CSMD1: variants seen among roughly 807,000 people sequenced by gnomAD.
CSMD1 encodes CUB and sushi domain-containing protein 1.
In CSMD1, 213 loss-of-function variants were observed where a neutral mutation model predicts 417.5. The observed-to-expected ratio is 0.51, with a 90% CI of 0.46 to 0.57. CSMD1 has a LOEUF of 0.57. Among genes scored for constraint, CSMD1 ranks in the 20% least tolerant of loss-of-function variants. The pLI is 0.00. For synonymous variants in CSMD1, 2,862 were observed against 1,736.8 expected (o/e 1.65, Z -16.11); for missense variants, 6,923 against 4,529.7 (o/e 1.53, Z -15.17).
At chr8:4,025,877 C>T (rs2740924) in intron 4 of CSMD1, among the ~76,000 whole-genome samples, 96,128 of 151,896 alleles carry the variant, frequency 0.63, 30,710 homozygotes, top group South Asian at 0.72. Flanking sequence ...AAGAACATCA[C>T]GGCTACATAT....
At chr8:4,816,215 C>T (rs1336953672) in intron 1 of CSMD1, among the ~76,000 whole-genome samples, 1 of 151,846 alleles carries the variant, frequency 6.6e-6, no homozygotes, top group Non-Finnish European at 1.5e-5. Context: ...GACAGAGTCT[C>T]GCTCTGTTGC....
chr8:4,266,894 GAAGA>G (rs1391457902), intron 3 of CSMD1, among the ~76,000 whole-genome samples: 1 of 104,096 alleles, frequency 9.6e-6, no homozygotes, highest in African/African-American at 2.6e-5. Flanking sequence ...TAAGATGGAA[GAAGA>G]AACAAACTGA....
chr8:4,502,675 GTTTTC>G (rs975155202), intron 2 of CSMD1, among the ~76,000 whole-genome samples: 5 of 152,044 alleles, frequency 3.3e-5, no homozygotes, highest in African/African-American at 1.2e-4. Flanking sequence ...TTCTTGTTGA[GTTTTC>G]TTTTCTCTTT....
chr8:3,018,105 A>C (rs541928880), intron 52 of CSMD1, among the ~76,000 whole-genome samples: 6 of 152,300 alleles, frequency 3.9e-5, no homozygotes, highest in Admixed American at 2.6e-4. Context: ...TACTTATGTC[A>C]ATTTGGATGA....
intron 41 of CSMD1, among the ~76,000 whole-genome samples, chr8:3,126,116 A>T (rs1032099901): frequency 6.6e-6 from 1 of 152,202 alleles, no homozygotes; most frequent in Non-Finnish European, 1.5e-5. Flanking sequence ...GGTTGTGCCA[A>T]TACGGGGACT....
intron 4 of CSMD1, among the ~76,000 whole-genome samples, chr8:4,031,650 A>G (rs1797352667): frequency 6.6e-6 from 1 of 152,098 alleles, no homozygotes; most frequent in South Asian, 2.1e-4. Context: ...TATAACATGT[A>G]ATATTATATA....
At chr8:4,816,167 G>T (rs1162672516) in intron 1 of CSMD1, among the ~76,000 whole-genome samples, 1 of 151,472 alleles carries the variant, frequency 6.6e-6, no homozygotes, top group African/African-American at 2.4e-5. Flanking sequence ...GGCTCAGGTT[G>T]GTCACTAAAT....
At chr8:3,753,340 G>T (rs2129053643) in intron 6 of CSMD1, among the ~76,000 whole-genome samples, 1 of 152,284 alleles carries the variant, frequency 6.6e-6, no homozygotes, top group South Asian at 2.1e-4. Context: ...TACAGGAAAT[G>T]ATACAATATG....
intron 1 of CSMD1, among the ~76,000 whole-genome samples, chr8:4,718,026 G>A (rs1808798235): frequency 6.6e-6 from 1 of 152,100 alleles, no homozygotes; most frequent in South Asian, 2.1e-4. Flanking sequence ...ACCCCAGGCT[G>A]GAGGGCAGTG....
chr8:4,852,404 C>T (rs1031305348), intron 1 of CSMD1, among the ~76,000 whole-genome samples: 4 of 152,112 alleles, frequency 2.6e-5, no homozygotes, highest in African/African-American at 9.7e-5. Flanking sequence ...CTCGTTCTCA[C>T]TCTTGCTATG....
intron 9 of CSMD1, among the ~76,000 whole-genome samples, chr8:3,578,639 T>C (rs1346039702): frequency 6.6e-6 from 1 of 152,252 alleles, no homozygotes; most frequent in Non-Finnish European, 1.5e-5. Context: ...ATCACCTGCC[T>C]CTCTCTTCAC....
chr8:3,636,521 C>G (rs1348593892), intron 7 of CSMD1, among the ~76,000 whole-genome samples: 2 of 152,148 alleles, frequency 1.3e-5, no homozygotes, highest in South Asian at 2.1e-4. Context: ...CAGTCAAACC[C>G]CTTTTACTTA....
chr8:4,087,256 C>G (rs920094655), intron 3 of CSMD1, among the ~76,000 whole-genome samples: 1 of 152,204 alleles, frequency 6.6e-6, no homozygotes, highest in Non-Finnish European at 1.5e-5. Context: ...GCCATGGTTT[C>G]ACAGTTCAAC....
At chr8:4,203,555 T>C (rs138717063) in intron 3 of CSMD1, among the ~76,000 whole-genome samples, 1 of 152,126 alleles carries the variant, frequency 6.6e-6, no homozygotes, top group Non-Finnish European at 1.5e-5. Flanking sequence ...CAGCTGGGTG[T>C]GAATTTGGAA....
chr8:3,727,220 T>G (rs971644159), intron 6 of CSMD1, among the ~76,000 whole-genome samples: 4 of 152,224 alleles, frequency 2.6e-5, no homozygotes, highest in African/African-American at 9.6e-5. Flanking sequence ...TTTTCAAAGT[T>G]GCGTTTGACA....
At chr8:4,060,732 A>T (rs1798928015) in intron 3 of CSMD1, among the ~76,000 whole-genome samples, 1 of 152,198 alleles carries the variant, frequency 6.6e-6, no homozygotes, top group African/African-American at 2.4e-5. Flanking sequence ...AGATGTGCTC[A>T]AAGCATCACA....
chr8:3,014,227 G>A (rs1808651231), intron 52 of CSMD1, among the ~76,000 whole-genome samples: 1 of 151,168 alleles, frequency 6.6e-6, no homozygotes, highest in African/African-American at 2.5e-5. Context: ...TAGTACTTAT[G>A]AATATCCATC....
chr8:4,375,332 G>T (rs1162124404), intron 3 of CSMD1, among the ~76,000 whole-genome samples: 1 of 152,064 alleles, frequency 6.6e-6, no homozygotes, highest in Non-Finnish European at 1.5e-5. Flanking sequence ...TGGTCTGTCA[G>T]GAGGGTGATC....
chr8:4,040,602 G>A (rs574264958), intron 3 of CSMD1, among the ~76,000 whole-genome samples: 1 of 152,180 alleles, frequency 6.6e-6, no homozygotes, highest in African/African-American at 2.4e-5. Flanking sequence ...TGCATATATG[G>A]ATTGGGGAGA....
Sources: gnomAD v4.1 joint callset for allele counts (sites outside exome capture counted in the v4.1 genomes callset) on GRCh38, gnomAD v4.1.1 for gene constraint, MANE v1.5 for transcripts, NCBI Gene and HGNC (gene_info 2026-07-23, HGNC 2026-07-21) for gene names.